AK8: variants seen among roughly 807,000 people sequenced by gnomAD.
AK8 encodes the protein adenylate kinase 8, also known as ATP-AMP transphosphorylase 8.
Under a neutral mutation model 54.6 loss-of-function variants are expected in AK8, and 44 were observed. The ratio of observed to expected loss-of-function variants is 0.81; its 90% CI spans 0.63 to 1.04. The LOEUF (loss-of-function observed/expected upper bound fraction) is 1.04. Ranked by LOEUF, AK8 falls within the 50% of genes least tolerant of loss-of-function variation. AK8 has a pLI of 0.00. For synonymous variants in AK8, 239 were observed against 245.6 expected (o/e 0.97, Z 0.25); for missense variants, 555 against 613.6 (o/e 0.90, Z 1.01).
intron 11 of AK8, among the ~76,000 whole-genome samples, chr9:132,754,389 C>T (rs1838090695): frequency 6.6e-6 from 1 of 152,110 alleles, no homozygotes; most frequent in African/African-American, 2.4e-5. Flanking sequence ...ATCCAGCAGG[C>T]CTTTGAGAGG....
chr9:132,876,545 A>T (rs1008220393), intron 1 of AK8, among the ~76,000 whole-genome samples: 1 of 152,204 alleles, frequency 6.6e-6, no homozygotes, highest in African/African-American at 2.4e-5. Flanking sequence ...ATGCAGGTAA[A>T]AATGGAGGAA....
At chr9:132,830,321 C>A (rs1842053320) in intron 5 of AK8, among the ~76,000 whole-genome samples, 1 of 152,146 alleles carries the variant, frequency 6.6e-6, no homozygotes, top group African/African-American at 2.4e-5. Context: ...AAAGTTGATA[C>A]CTTCTTTTAC....
Position 132,878,149 on chromosome 9 carries a change from G to C in AK8, c.84+23C>G. 1 of 1,535,246 alleles carries C rather than the reference G, an allele frequency of 6.5e-7. No homozygotes were observed. On this transcript the variant is annotated intron_variant, in intron 1 of 12. Transcript: ENST00000298545. This position sits in a 1 kb window ranked among gnomAD's most constrained non-coding sequence, Gnocchi z 4.7. ...GCTCCCGAGCCGCCGCCAGCGTCGC[G>C]ACGGGCAGGGGTGTCCGGTCACCTG...
intron 11 of AK8, among the ~76,000 whole-genome samples, chr9:132,763,063 G>A (rs1838560071): frequency 2.6e-5 from 4 of 152,028 alleles, no homozygotes; most frequent in Non-Finnish European, 4.4e-5. Context: ...CAGGCCCTAT[G>A]CCCATGCAGA....
In AK8 at chr9:132,791,672, G is replaced by A. The variant is rs1335914543; in HGVS notation, c.1121+962C>T. ...CAGAAAAGAGAAAGTTCAGAAACAG[G>A]CCCAGTATATTGAGAGACTAAACAC... On this transcript the variant is annotated intron_variant, in intron 11 of 12. Transcript: ENST00000298545. The surrounding 1 kb of genome is among the most constrained non-coding windows in gnomAD (Gnocchi z 4.0). Among the ~76,000 whole-genome samples, 1 of 152,068 alleles carries A rather than the reference G, an allele frequency of 6.6e-6. No homozygotes were observed. The highest frequency in any genetic ancestry group is 2.4e-5 in the African/African-American group (1 of 41,394).
intron 8 of AK8, among the ~76,000 whole-genome samples, chr9:132,825,457 T>A (rs1841832369): frequency 6.6e-6 from 1 of 152,264 alleles, no homozygotes; most frequent in African/African-American, 2.4e-5. Context: ...AATCATGGCA[T>A]AAGATAAATG....
At chr9:132,813,219 C>A (rs566393358) in intron 10 of AK8, among the ~76,000 whole-genome samples, 2 of 151,608 alleles carry the variant, frequency 1.3e-5, no homozygotes, top group Non-Finnish European at 2.9e-5. Flanking sequence ...CACTGCCCTG[C>A]ACCTACACAG....
intron 9 of AK8, among the ~76,000 whole-genome samples, chr9:132,817,152 A>G (rs1392258149): frequency 6.6e-6 from 1 of 152,168 alleles, no homozygotes; most frequent in African/African-American, 2.4e-5. Flanking sequence ...GAAAGGGCAG[A>G]CCTTAGCTGC....
intron 5 of AK8, among the ~76,000 whole-genome samples, chr9:132,842,357 TATAA>T (rs1229581537): frequency 5.3e-5 from 8 of 150,184 alleles, no homozygotes; most frequent in East Asian, 1.9e-4. Flanking sequence ...TCATTCATTC[TATAA>T]ATATTTACCC....
At chr9:132,866,880 C>T in intron 3 of AK8, 24 bp downstream of exon 3, 2 of 1,611,068 alleles carry the variant, frequency 1.2e-6, no homozygotes, top group Non-Finnish European at 1.7e-6. Context: ...TACAGCATCA[C>T]AACACTTAAT....
rs531969934 is a variant in AK8, at chr9:132,828,205, A to G, written c.485-121T>C. 13 of 810,328 alleles carry G rather than the reference A, an allele frequency of 1.6e-5. No individual in the cohort carries two copies. The South Asian group carries it at 2.3e-4, about 14-fold the overall frequency. The allele number at this position is 810,328 out of a possible 1,614,324, so 50.2% of individuals were successfully genotyped here. On this transcript the variant is annotated intron_variant, in intron 6 of 12. Transcript: ENST00000298545. Reference sequence around the variant, plus strand: ...CTTTTCTGTATAATGACATTAAAACAACAATCATCTCCCATCCCCGTGAAT... The same window carrying G: ...CTTTTCTGTATAATGACATTAAAACGACAATCATCTCCCATCCCCGTGAAT...
chr9:132,848,256 G>A (rs1179566419), intron 5 of AK8, among the ~76,000 whole-genome samples: 2 of 151,998 alleles, frequency 1.3e-5, no homozygotes, highest in African/African-American at 2.4e-5. Context: ...AATGGATTAA[G>A]GCACACAGCA....
rs146398394 is a variant in AK8 at position 132,805,881 on chromosome 9, A to T, written c.979+8757T>A. Among the ~76,000 whole-genome samples the T allele has an allele frequency of 1.9e-3, 296 of 152,210 alleles. 2 individuals are homozygous for T. The highest frequency in any genetic ancestry group is 6.4e-3 in the African/African-American group (265 of 41,532). ...AAAAGTCAAAAGTTTGACTTGAAAAAAGGAGCTACTTCAAAAGCATTGTCA... is the reference window on the plus strand; with the variant it reads ...AAAAGTCAAAAGTTTGACTTGAAAATAGGAGCTACTTCAAAAGCATTGTCA... On this transcript the variant is annotated intron_variant, in intron 10 of 12. Transcript: ENST00000298545.
intron 2 of AK8, 93 bp downstream of exon 2, chr9:132,875,022 A>G (rs1844027061): frequency 6.7e-7 from 1 of 1,487,480 alleles, no homozygotes; most frequent in Non-Finnish European, 9.2e-7. Flanking sequence ...CTGGAGAGGA[A>G]GAGGAGGAGG....
chr9:132,734,706 G>A (rs1389385674), intron 11 of AK8, among the ~76,000 whole-genome samples: 10 of 152,108 alleles, frequency 6.6e-5, no homozygotes, highest in South Asian at 4.1e-4. Context: ...ACTGTACTCC[G>A]GCCTGGGTGA....
intron 4 of AK8, among the ~76,000 whole-genome samples, chr9:132,863,219 T>C (rs1843457661): frequency 6.6e-6 from 1 of 152,220 alleles, no homozygotes; most frequent in South Asian, 2.1e-4. Context: ...GAGACGCCTC[T>C]AAGGTACAGA....
chr9:132,751,743 GTGTT>G (rs1281074701), intron 11 of AK8, among the ~76,000 whole-genome samples: 2 of 151,964 alleles, frequency 1.3e-5, no homozygotes, highest in African/African-American at 2.4e-5. Context: ...GCTGGGGACA[GTGTT>G]TGTGAACACG....
At chr9:132,849,975 G>C (rs1842906383) in intron 5 of AK8, among the ~76,000 whole-genome samples, 1 of 151,778 alleles carries the variant, frequency 6.6e-6, no homozygotes, top group African/African-American at 2.4e-5. Flanking sequence ...TTGAACTCCT[G>C]GACTTAAGTG....
chr9:132,739,643 C>A (rs1033953667), intron 11 of AK8, among the ~76,000 whole-genome samples: 3 of 152,012 alleles, frequency 2.0e-5, no homozygotes, highest in African/African-American at 7.3e-5. Flanking sequence ...CCTATAATCC[C>A]AGCTACTTGG....
Sources: gnomAD v4.1 joint callset for allele counts (sites outside exome capture counted in the v4.1 genomes callset) on GRCh38, gnomAD v4.1.1 for gene constraint, Gnocchi (gnomAD v3.1) non-coding constraint, MANE v1.5 for transcripts, NCBI Gene and HGNC (gene_info 2026-07-23, HGNC 2026-07-21) for gene names.